FANCA: variants seen among roughly 807,000 people sequenced by gnomAD.
The protein encoded by FANCA is FA complementation group A.
FANCA carries 236 observed loss-of-function variants against 194.3 expected under a neutral mutation model. The ratio of observed to expected loss-of-function variants is 1.21; its 90% CI spans 1.09 to 1.35. The LOEUF is 1.35. FANCA is among the 40% of genes most tolerant of loss of function. The probability of loss-of-function intolerance (pLI) is 0.00; values close to 1 mark genes in which losing one functional copy is unlikely to be tolerated. For missense variants in FANCA, 2,628 were observed against 1,813.9 expected (o/e 1.45, Z -8.15); for synonymous variants, 1,014 against 715.8 (o/e 1.42, Z -6.65).
In FANCA at chr16:89,737,653, CGAG is replaced by C; in HGVS notation, c.*945_*947del. On this transcript the variant is annotated 3_prime_UTR_variant, in exon 43 of 43. Coordinates refer to ENST00000389301, the MANE Select transcript of FANCA (RefSeq NM_000135.4). ...AAAGCAGTTTAAAGATCTTAATAAACGAGGCCCTCATAGGCCCCTTGCTTGGGC... is the reference window on the plus strand; with the variant it reads ...AAAGCAGTTTAAAGATCTTAATAAACGCCCTCATAGGCCCCTTGCTTGGGC... The C allele has an allele frequency of 7.0e-7, 1 of 1,423,140 alleles. No homozygotes were observed. The highest frequency in any genetic ancestry group is 9.3e-7 in the Non-Finnish European group (1 of 1,070,884). The allele number at this position is 1,423,140 out of a possible 1,614,324, so 88.2% of individuals were successfully genotyped here.
chr16:89,746,912 G>A lies in FANCA; in HGVS notation c.3349-22C>T, dbSNP rs1406030124. 3 of 1,551,474 alleles carry A rather than the reference G, an allele frequency of 1.9e-6. No homozygotes were observed. The South Asian group carries it at 3.6e-5, about 18-fold the overall frequency. On this transcript the variant is annotated intron_variant, in intron 33 of 42. Coordinates refer to ENST00000389301, the MANE Select transcript of FANCA (RefSeq NM_000135.4). Reference sequence around the variant, plus strand: ...TTCTCTGCAAAAGAGTTCAAGGCAGGTAAGAAAAGCCCACAGGAAGAGAGG... The same window carrying A: ...TTCTCTGCAAAAGAGTTCAAGGCAGATAAGAAAAGCCCACAGGAAGAGAGG...
chr16:89,799,196 T>G lies in FANCA; in HGVS notation c.863A>C (p.Glu288Ala), dbSNP rs747205782. Residue 288 changes from glutamate (E) to alanine (A), a missense_variant, in exon 10 of 43, where the codon GAG becomes GCG. Coordinates refer to ENST00000389301, the MANE Select transcript of FANCA (RefSeq NM_000135.4). Reference sequence around the variant, plus strand: ...CCTCACGATCTTGTGAGTGGAGGACTCCTCCTGTACTCCAGCAGCCAAAGC... The same window carrying G: ...CCTCACGATCTTGTGAGTGGAGGACGCCTCCTGTACTCCAGCAGCCAAAGC... ...LDALAAGVQE[E>A]SSTHKIVRCW... The G allele has an allele frequency of 1.2e-6, 2 of 1,614,078 alleles. No homozygotes were observed. Among genetic ancestry groups the G allele is most frequent in the Non-Finnish European group, 1.7e-6 (2 of 1,180,014 alleles).
intron 31 of FANCA, among the ~76,000 whole-genome samples, chr16:89,751,865 G>T (rs1468809209): frequency 1.3e-5 from 2 of 152,014 alleles, no homozygotes; most frequent in Non-Finnish European, 2.9e-5. Flanking sequence ...CCGCCTCCTG[G>T]GTTCATGCCA....
In FANCA at chr16:89,808,271, C is replaced by A. The variant is rs34095935; in HGVS notation, c.596+23G>T. The A allele has an allele frequency of 3.0e-5, 49 of 1,611,030 alleles. No individual in the cohort carries two copies. In the African/African-American group the frequency reaches 5.7e-4, roughly 19 times the overall value. On this transcript the variant is annotated intron_variant, in intron 6 of 42. Transcript: ENST00000389301. ...AGACTAGACTGCAAAAACAGTAACACTGAATCATCATTAGCACGCTACCTT... is the reference window on the plus strand; with the variant it reads ...AGACTAGACTGCAAAAACAGTAACAATGAATCATCATTAGCACGCTACCTT...
At chr16:89,744,868 C>T in intron 36 of FANCA, 91 bp downstream of exon 36, 1 of 1,234,734 alleles carries the variant, frequency 8.1e-7, no homozygotes, top group Middle Eastern at 1.9e-4. Flanking sequence ...CACCGCTTCT[C>T]TCAAGCAAGC....
At position 89,739,434 on chromosome 16, in the gene FANCA, G is replaced by C. The variant is rs56010756; in HGVS notation, c.4010+44C>G. The C allele has an allele frequency of 7.1e-5, 111 of 1,553,584 alleles. No homozygotes were observed. In the Middle Eastern group the frequency reaches 8.2e-4, roughly 11 times the overall value. ...CCCAGAGGTGCTGAGATGGGGGTCT[G>C]GGAAACACTGCCCAGCCCTGACCAG... On this transcript the variant is annotated intron_variant, in intron 40 of 42. Transcript: ENST00000389301.
chr16:89,765,179 A>G (rs1211223485), intron 27 of FANCA, 113 bp from the exon 28 acceptor site: 2 of 1,225,932 alleles, frequency 1.6e-6, no homozygotes, highest in Non-Finnish European at 2.3e-6. Flanking sequence ...ACAACCCCAC[A>G]TTCAGAGGAC....
rs752642945 is a variant in FANCA at position 89,748,756 on chromosome 16, C to A, written c.3251G>T (p.Arg1084Leu). Residue 1084 changes from arginine to leucine, a missense_variant, in exon 33 of 43, where the codon CGC becomes CTC. Transcript: ENST00000389301. ...GCCGCAGAGGACAGACGAAGGCAGG[C>A]GGAGGAGGATCCTGGAAAGAAGGGG... ...ELLMYKRILL[R>L]LPSSVLCGSS... 1.9e-6 allele frequency: 3 copies of A among 1,613,774 alleles called. No individual in the cohort carries two copies. The highest frequency in any genetic ancestry group is 1.7e-5 in the Admixed American group (1 of 60,000).
At chr16:89,772,057 GA>G (rs2143354129) in intron 22 of FANCA, among the ~76,000 whole-genome samples, 1 of 152,302 alleles carries the variant, frequency 6.6e-6, no homozygotes, top group Non-Finnish European at 1.5e-5. Context: ...GATTGGCTGA[GA>G]GGGGGACATG....
chr16:89,750,496 C>CA (rs1245082366), intron 31 of FANCA, among the ~76,000 whole-genome samples: 1,771 of 124,632 alleles, frequency 0.014, 32 homozygotes, highest in Non-Finnish European at 0.022. Context: ...AAAAAACAAA[C>CA]AAAAAAAAAC....
intron 6 of FANCA, among the ~76,000 whole-genome samples, chr16:89,805,998 C>T (rs1324106793): frequency 2.6e-5 from 4 of 152,090 alleles, no homozygotes; most frequent in Admixed American, 1.3e-4. Flanking sequence ...CTACAACCTC[C>T]GCCTCCCAAG....
chr16:89,785,634 G>A (rs1275141145), intron 14 of FANCA, among the ~76,000 whole-genome samples: 2 of 152,108 alleles, frequency 1.3e-5, no homozygotes, highest in African/African-American at 4.8e-5. Flanking sequence ...AATGGGCATG[G>A]CCCTGAACGC....
chr16:89,808,105 T>G (rs1383537907), intron 6 of FANCA, among the ~76,000 whole-genome samples, 189 bp downstream of exon 6: 1 of 151,680 alleles, frequency 6.6e-6, no homozygotes, highest in East Asian at 1.9e-4. Context: ...ACCATAAACG[T>G]TCTCTTGAAA....
In FANCA at chr16:89,761,943, A is replaced by G. The variant is rs1318049255; in HGVS notation, c.2852+6T>C. 3.7e-6 allele frequency: 6 copies of G among 1,613,138 alleles called. No homozygotes were observed. Among genetic ancestry groups the G allele is most frequent in the Non-Finnish European group, 5.1e-6 (6 of 1,179,106 alleles). ...CCTGGCCAGGGTAGCTCTTTTCAACACTTACCGTTCAGTATCTGAAAGAGC... is the reference window on the plus strand; with the variant it reads ...CCTGGCCAGGGTAGCTCTTTTCAACGCTTACCGTTCAGTATCTGAAAGAGC... On this transcript the variant is annotated splice_donor_region_variant and intron_variant, in intron 29 of 42. Transcript: ENST00000389301.
intron 7 of FANCA, among the ~76,000 whole-genome samples, chr16:89,803,869 T>G (rs1318678309): frequency 6.6e-6 from 1 of 152,140 alleles, no homozygotes; most frequent in Non-Finnish European, 1.5e-5. Context: ...TCCACCTGCC[T>G]TGGCCTCCCA....
intron 5 of FANCA, among the ~76,000 whole-genome samples, chr16:89,808,891 T>A (rs1376043420): frequency 6.7e-6 from 1 of 150,314 alleles, no homozygotes; most frequent in Non-Finnish European, 1.5e-5. Context: ...CCCCTTCTCA[T>A]CCCCCTAACT....
intron 7 of FANCA, 45 bp from the exon 8 acceptor site, chr16:89,803,386 C>G: frequency 6.4e-7 from 1 of 1,551,556 alleles, no homozygotes; most frequent in East Asian, 2.2e-5. Context: ...ATCATGGTCT[C>G]CAAGCAACTG....
chr16:89,811,037 C>T lies in FANCA; in HGVS notation c.318G>A (p.Gly106=). 2.5e-6 allele frequency: 4 copies of T among 1,614,028 alleles called. No individual in the cohort carries two copies. Among genetic ancestry groups the T allele is most frequent in the Non-Finnish European group, 3.4e-6 (4 of 1,180,032 alleles). Residue 106 remains glycine, a synonymous_variant, in exon 4 of 43, where the codon GGG becomes GGA. Transcript: ENST00000389301. The part of the protein sequence containing the change: ...SALQDQASRL[G]VPVGILSAGM... ...CGGCTGAGAGAATACCCACGGGAAC[C>T]CCCAGCCTTGAGGCTTGATCCTGCA...
At chr16:89,755,555 C>G (rs1017404812) in intron 30 of FANCA, among the ~76,000 whole-genome samples, 1 of 152,092 alleles carries the variant, frequency 6.6e-6, no homozygotes, top group Admixed American at 6.6e-5. Flanking sequence ...AAGAGCTAAA[C>G]TAAAAATAAA....
Sources: allele counts gnomAD v4.1 joint callset (sites outside exome capture counted in the v4.1 genomes callset), GRCh38; gene constraint gnomAD v4.1.1; transcripts MANE v1.5; gene names NCBI Gene and HGNC (gene_info 2026-07-23, HGNC 2026-07-21).